Variants in ARHGAP23 observed in about 807,000 individuals in gnomAD.
ARHGAP23 encodes the protein rho GTPase-activating protein 23.
ARHGAP23 carries 34 observed loss-of-function variants against 136.3 expected under a neutral mutation model. That is an observed-to-expected ratio of 0.25 (90% CI 0.19 to 0.33). The LOEUF (loss-of-function observed/expected upper bound fraction) is 0.33. Among genes scored for constraint, ARHGAP23 ranks in the 10% least tolerant of loss-of-function variants. The pLI, the probability that ARHGAP23 is intolerant of heterozygous loss-of-function variation, is 1.00. For synonymous variants in ARHGAP23, 832 were observed against 920.5 expected, an observed-to-expected ratio of 0.90 and a Z score of 1.74; for missense variants, 1,808 against 2,139.0, an observed-to-expected ratio of 0.85 and a Z score of 3.05.
At chr17:38,491,004 C>T (rs1031827674) in intron 19 of ARHGAP23, among the ~76,000 whole-genome samples, 1 of 152,228 alleles carries the variant, frequency 6.6e-6, no homozygotes, top group African/African-American at 2.4e-5. Context: ...CTGCAACCTT[C>T]GCCTCCCGGG....
intron 1 of ARHGAP23, among the ~76,000 whole-genome samples, chr17:38,456,537 G>A (rs1008863501): frequency 2.3e-4 from 35 of 152,172 alleles, no homozygotes; most frequent in African/African-American, 8.2e-4. Context: ...AAGGAGTGTT[G>A]GTGGTGAGGG....
rs949187467 is a variant in ARHGAP23 at position 38,477,252 on chromosome 17, A to G, written c.2119-327A>G. ...GTGGGCTGGGAATGGCATCCCCAGG[A>G]TTTCATGTATGGAGGGCCATGCTGG... On this transcript the variant is annotated intron_variant, in intron 11 of 23. Coordinates refer to ENST00000622683, the MANE Select transcript of ARHGAP23 (RefSeq NM_001199417.2). This position sits in a 1 kb window ranked among gnomAD's most constrained non-coding sequence, Gnocchi z 6.6. Among the ~76,000 whole-genome samples the G allele has an allele frequency of 6.6e-6, 1 of 150,762 alleles. No homozygotes were observed. The highest frequency in any genetic ancestry group is 2.5e-5 in the African/African-American group (1 of 40,788).
At chr17:38,498,154 GAC>G (rs1379105713) in intron 21 of ARHGAP23, among the ~76,000 whole-genome samples, 1 of 152,184 alleles carries the variant, frequency 6.6e-6, no homozygotes, top group African/African-American at 2.4e-5. Flanking sequence ...TGGTGCGGGA[GAC>G]ACAGCTCCTG....
chr17:38,477,951 C>G lies in ARHGAP23; in HGVS notation c.2436+55C>G. On this transcript the variant is annotated intron_variant, in intron 12 of 23. Transcript: ENST00000622683. This position sits in a 1 kb window ranked among gnomAD's most constrained non-coding sequence, Gnocchi z 6.6. ...GAGGGCGGGCGGGGTGGCCTCTCAC[C>G]GGCTGTGGACCTGGGATGCCCGCTC... 6.5e-7 allele frequency: 1 copy of G among 1,531,082 alleles called. No individual in the cohort carries two copies. Among genetic ancestry groups the G allele is most frequent in the South Asian group, 1.2e-5 (1 of 83,526 alleles). 94.8% of individuals were successfully genotyped at this position (1,531,082 alleles called of 1,614,324 possible). A position where few individuals can be genotyped will look rare whatever the true frequency, so the allele number is the denominator to read the frequency against.
chr17:38,482,273 G>C, intron 15 of ARHGAP23, 130 bp downstream of exon 15: 1 of 1,460,718 alleles, frequency 6.8e-7, no homozygotes, highest in East Asian at 2.5e-5. Context: ...ACAGCCCAGA[G>C]AGGGGAAGGC....
intron 1 of ARHGAP23, among the ~76,000 whole-genome samples, chr17:38,433,467 C>T (rs189848071): frequency 2.0e-4 from 30 of 152,298 alleles, no homozygotes; most frequent in African/African-American, 7.0e-4. Flanking sequence ...GAGAAAGTGA[C>T]CTGCCTCTGG....
At chr17:38,496,920 T>C (rs985948860) in intron 20 of ARHGAP23, among the ~76,000 whole-genome samples, 1 of 150,708 alleles carries the variant, frequency 6.6e-6, no homozygotes, top group Non-Finnish European at 1.5e-5. Flanking sequence ...ACCACTGCAC[T>C]CCAGCCTGGG....
Position 38,510,090 on chromosome 17 carries a change from C to A in ARHGAP23, c.3594C>A (p.His1198Gln). The change falls in exon 24 of 24, where the codon CAC becomes CAA. Residue 1198 changes from histidine (H) to glutamine (Q), a missense_variant. Around this residue, in one of 7 missense-constraint regions of ARHGAP23, gnomAD observed 506 missense variants for 455.8 expected, o/e 1.11. Transcript: ENST00000622683. The surrounding 1 kb of genome is among the most constrained non-coding windows in gnomAD (Gnocchi z 4.6). The part of the protein sequence containing the change: ...STDDDSEQEA[H>Q]KPGAGATAPG... ...ACGACGACTCGGAGCAGGAGGCGCA[C>A]AAGCCTGGGGCGGGGGCCACAGCGC... 1 of 1,241,582 alleles carries A rather than the reference C, an allele frequency of 8.1e-7. No individual in the cohort carries two copies. 76.9% of individuals were successfully genotyped at this position (1,241,582 alleles called of 1,614,324 possible). A position where few individuals can be genotyped will look rare whatever the true frequency, so the allele number is the denominator to read the frequency against.
chr17:38,457,056 C>T (rs1020750288), intron 1 of ARHGAP23, among the ~76,000 whole-genome samples: 41 of 152,196 alleles, frequency 2.7e-4, no homozygotes, highest in Non-Finnish European at 2.6e-4. Context: ...ATTACAGGCG[C>T]CAGCCACCAT....
At chr17:38,497,235 A>C (rs1431693587) in intron 20 of ARHGAP23, among the ~76,000 whole-genome samples, 2 of 152,286 alleles carry the variant, frequency 1.3e-5, no homozygotes, top group Non-Finnish European at 2.9e-5. Flanking sequence ...TTTATGAGAA[A>C]GCTCTCGCCT....
chr17:38,478,303 G>A (rs1313463453), intron 12 of ARHGAP23, among the ~76,000 whole-genome samples: 1 of 152,166 alleles, frequency 6.6e-6, no homozygotes, highest in African/African-American at 2.4e-5. Context: ...GCACTGGGCT[G>A]GCCTGTCTGC....
At chr17:38,432,984 G>A (rs1450620653) in intron 1 of ARHGAP23, among the ~76,000 whole-genome samples, 1 of 152,184 alleles carries the variant, frequency 6.6e-6, no homozygotes, top group Non-Finnish European at 1.5e-5. Flanking sequence ...GCAGGGTCTT[G>A]TTCTGTTGCT....
At chr17:38,430,151 C>T (rs75862793) in intron 1 of ARHGAP23, among the ~76,000 whole-genome samples, 3,585 of 152,110 alleles carry the variant, frequency 0.024, 145 homozygotes, top group African/African-American at 0.08. Context: ...GATTCAAAGG[C>T]CTCAATAATA....
rs1424725881 is a variant in ARHGAP23, at chr17:38,498,492, C to T, written c.3397C>T (p.Pro1133Ser). 1 of 1,547,842 alleles carries T rather than the reference C, an allele frequency of 6.5e-7. No individual in the cohort carries two copies. Among genetic ancestry groups the T allele is most frequent in the Non-Finnish European group, 8.7e-7 (1 of 1,145,928 alleles). Residue 1133 changes from proline (P) to serine (S), a missense_variant, in exon 22 of 24, where the codon CCT becomes TCT. Around this residue, in one of 7 missense-constraint regions of ARHGAP23, gnomAD observed 104 missense variants for 131.8 expected, o/e 0.79. Transcript: ENST00000622683. ...GCCCAACATTGGCAGGACAGTGCCCCCTGGCGACCCGGGGTCAGGTGAGCG... is the reference window on the plus strand; with the variant it reads ...GCCCAACATTGGCAGGACAGTGCCCTCTGGCGACCCGGGGTCAGGTGAGCG... ...LLPNIGRTVP[P>S]GDPGSDSTTC... is the part of the protein sequence containing the mutation.
At chr17:38,455,566 G>A (rs943737791) in intron 1 of ARHGAP23, among the ~76,000 whole-genome samples, 3 of 152,168 alleles carry the variant, frequency 2.0e-5, no homozygotes, top group Non-Finnish European at 4.4e-5. Context: ...GGGGGCGTGC[G>A]GGGACCTGTC....
At chr17:38,458,902 C>T (rs1349211804) in intron 2 of ARHGAP23, among the ~76,000 whole-genome samples, 1 of 152,218 alleles carries the variant, frequency 6.6e-6, no homozygotes, top group African/African-American at 2.4e-5. Flanking sequence ...CATTTATCAA[C>T]TTGACCCCTC....
At chr17:38,483,237 T>C (rs1426937520) in intron 16 of ARHGAP23, among the ~76,000 whole-genome samples, 1 of 152,214 alleles carries the variant, frequency 6.6e-6, no homozygotes, top group African/African-American at 2.4e-5. Flanking sequence ...CTACAGACCA[T>C]GGTTTACAAA....
At chr17:38,504,976 AT>A (rs1375159060) in intron 23 of ARHGAP23, among the ~76,000 whole-genome samples, 1 of 54,020 alleles carries the variant, frequency 1.9e-5, no homozygotes, top group Non-Finnish European at 4.1e-5. Context: ...CTCCCTTATC[AT>A]CTTTTTTTTT....
In ARHGAP23 at chr17:38,477,850, T is replaced by C; in HGVS notation, c.2390T>C (p.Leu797Pro). 1.3e-6 allele frequency: 2 copies of C among 1,549,148 alleles called. No individual in the cohort carries two copies. The highest frequency in any genetic ancestry group is 1.7e-6 in the Non-Finnish European group (2 of 1,146,538). ...CAGGCTGAGGACCGGGATGACATGC[T>C]GGGCTGGATCAGAGCGATCCGGGAG... ...LFQAEDRDDM[L>P]GWIRAIRENS... Residue 797 changes from leucine (L) to proline (P), a missense_variant, in exon 12 of 24, where the codon CTG becomes CCG. This residue lies in a region of ARHGAP23 where 139 missense variants were observed against 264.3 expected (regional missense o/e 0.53). Transcript: ENST00000622683. This position sits in a 1 kb window ranked among gnomAD's most constrained non-coding sequence, Gnocchi z 6.6.
Sources: allele counts gnomAD v4.1 joint callset (sites outside exome capture counted in the v4.1 genomes callset), GRCh38; gene constraint gnomAD v4.1.1; regional missense constraint gnomAD v4.1.1; non-coding constraint Gnocchi (gnomAD v3.1); transcripts MANE v1.5; gene names NCBI Gene and HGNC (gene_info 2026-07-23, HGNC 2026-07-21).